The following TMEM67 variants were observed in gnomAD, a reference collection of about 807,000 sequenced individuals.
The protein encoded by TMEM67 is meckelin.
A neutral mutation model predicts 136.6 loss-of-function variants in TMEM67; 124 were observed. That is an observed-to-expected ratio of 0.91 (90% confidence interval 0.78 to 1.05). TMEM67 has a LOEUF of 1.05. Ranked by LOEUF, TMEM67 falls within the 50% of genes least tolerant of loss-of-function variation. The pLI, the probability that TMEM67 is intolerant of heterozygous loss-of-function variation, is 0.00. For synonymous variants in TMEM67, 364 were observed against 390.5 expected, an observed-to-expected ratio of 0.93 and a Z score of 0.80; for missense variants, 1,107 against 1,178.4, an observed-to-expected ratio of 0.94 and a Z score of 0.89.
chr8:93,826,902 T>G, the TMEM67 span, among the ~76,000 whole-genome samples: 1 of 152,228 alleles, frequency 6.6e-6, no homozygotes, highest in African/African-American at 2.4e-5. Flanking sequence ...CAATCTCGGC[T>G]CACCGCAACC....
chr8:93,776,811 C>A (rs986976521), intron 7 of TMEM67, among the ~76,000 whole-genome samples: 1 of 152,064 alleles, frequency 6.6e-6, no homozygotes, highest in South Asian at 2.1e-4. Context: ...GTCTAAAATT[C>A]TCTTTTTTTG....
chr8:93,785,965 G>A (rs1814076786), intron 12 of TMEM67, among the ~76,000 whole-genome samples: 1 of 152,110 alleles, frequency 6.6e-6, no homozygotes, highest in Non-Finnish European at 1.5e-5. Context: ...AGCTACTCTG[G>A]AGGCTGAGGT....
chr8:93,760,094 C>A, intron 3 of TMEM67: 3 of 804,582 alleles, frequency 3.7e-6, no homozygotes, highest in Non-Finnish European at 5.2e-6. Context: ...AACTCTTCTA[C>A]CAGTCTGTAT....
At chr8:93,785,793 C>T (rs1219842385) in intron 12 of TMEM67, 1 of 216,272 alleles carries the variant, frequency 4.6e-6, no homozygotes, top group African/African-American at 2.4e-5. Context: ...ACATTCAAGT[C>T]CAAGGCACGG....
Position 93,765,649 on chromosome 8 carries a change from G to A in TMEM67, c.651+3G>A. ...CAGCTGCACGTTATGGAGAAGTTGT[G>A]AGTATGTTTCAATTTTTTTGTTCTG... On this transcript the variant is annotated splice_donor_region_variant and intron_variant, in intron 6 of 27. Transcript: ENST00000453321. The A allele has an allele frequency of 1.2e-6, 2 of 1,605,570 alleles. No homozygotes were observed. The highest frequency in any genetic ancestry group is 1.1e-5 in the South Asian group (1 of 90,904).
intron 9 of TMEM67, 46 bp downstream of exon 9, chr8:93,781,028 TA>T: frequency 7.9e-7 from 1 of 1,262,656 alleles, no homozygotes; most frequent in Non-Finnish European, 1.2e-6. Context: ...TTTTGATTTA[TA>T]ATTTTAAAAG....
chr8:93,831,686 A>ATG, the TMEM67 span, among the ~76,000 whole-genome samples: 10,975 of 151,048 alleles, frequency 0.073, 521 homozygotes, highest in South Asian at 0.13. Flanking sequence ...GTGTGTGTGC[A>ATG]TGTGTGTGTG....
In TMEM67 at chr8:93,755,214, T is replaced by C. The variant is rs1258673602; in HGVS notation, c.223+77T>C. 5 of 1,333,280 alleles carry C rather than the reference T, an allele frequency of 3.8e-6. No homozygotes were observed. In the Admixed American group the frequency reaches 8.4e-5, roughly 22 times the overall value. 82.6% of individuals were successfully genotyped at this position (1,333,280 alleles called of 1,614,324 possible). The stretch of plus-strand genomic sequence containing the variant: ...GGCCCCTAGTCCCCGTAAATGGAGT[T>C]TCACCATGTTGATCAGGCTAGTCTC... On this transcript the variant is annotated intron_variant, in intron 1 of 27. Coordinates refer to ENST00000453321, the MANE Select transcript of TMEM67 (RefSeq NM_153704.6).
intron 6 of TMEM67, among the ~76,000 whole-genome samples, chr8:93,766,145 A>G (rs1813072261): frequency 6.6e-6 from 1 of 151,908 alleles, no homozygotes; most frequent in Non-Finnish European, 1.5e-5. Context: ...TTTGTTTGAG[A>G]TGGAGTCTCG....
rs1808518208 is a variant in TMEM67 at position 93,808,464 on chromosome 8, T to TAG, written c.2440-375_2440-374insGA. 6.3e-4 allele frequency among the ~76,000 whole-genome samples: 38 copies of TAG among 60,144 alleles called. 1 individual carries two copies. Among genetic ancestry groups the TAG allele is most frequent in the African/African-American group, 1.9e-3 (33 of 17,116 alleles). The allele number at this position is 60,144 out of a possible 152,430, so 39.5% of individuals were successfully genotyped here. ...TATTTATTATATATAAATATATATT[T>TAG]ATCTATTATAGATATTTATCTATAA... On this transcript the variant is annotated intron_variant, in intron 23 of 27. Coordinates refer to ENST00000453321, the MANE Select transcript of TMEM67 (RefSeq NM_153704.6).
At chr8:93,806,850 A>C (rs78472435) in intron 23 of TMEM67, among the ~76,000 whole-genome samples, 2,809 of 152,242 alleles carry the variant, frequency 0.018, 38 homozygotes, top group Non-Finnish European at 0.028. Context: ...CAAAAAGGGA[A>C]TATTAATTGA....
Position 93,780,717 on chromosome 8 carries a change from G to T in TMEM67, c.839G>T (p.Gly280Val). ...CAGTTTATCTTTGAAAATACTGCTG[G>T]ACTGAGCACTGTTCATTCTATTTCA... ...LFQFIFENTA[G>V]LSTVHSISFW... The change falls in exon 8 of 28, where the codon GGA (glycine) becomes GTA (valine). Residue 280 changes from glycine (G) to valine (V), a missense_variant. Gly to Val is a moderately radical substitution (Grantham distance 109). Coordinates refer to ENST00000453321, the MANE Select transcript of TMEM67 (RefSeq NM_153704.6). The T allele has an allele frequency of 1.9e-6, 3 of 1,613,958 alleles. No individual in the cohort carries two copies. The highest frequency in any genetic ancestry group is 1.1e-5 in the South Asian group (1 of 91,076).
the TMEM67 span, among the ~76,000 whole-genome samples, chr8:93,830,903 C>T: frequency 1.3e-5 from 2 of 152,350 alleles, no homozygotes; most frequent in South Asian, 4.1e-4. Context: ...GAAAGTTCTG[C>T]CTTCGCAGAA....
the TMEM67 span, among the ~76,000 whole-genome samples, chr8:93,830,998 A>G: frequency 2.0e-5 from 3 of 152,250 alleles, no homozygotes; most frequent in Non-Finnish European, 4.4e-5. Context: ...GATCACGGAC[A>G]CTAACAGTAA....
intron 26 of TMEM67, among the ~76,000 whole-genome samples, chr8:93,811,043 T>C (rs555775875): frequency 6.6e-6 from 1 of 152,348 alleles, no homozygotes; most frequent in African/African-American, 2.4e-5. Flanking sequence ...ACCCATATGT[T>C]ATTGCATGCC....
intron 16 of TMEM67, chr8:93,794,922 G>C (rs1400088527): frequency 1.1e-5 from 2 of 176,842 alleles, no homozygotes; most frequent in African/African-American, 4.8e-5. Context: ...CGTATGGAGT[G>C]GTTAGTCATT....
At position 93,791,322 on chromosome 8, in the gene TMEM67, A is replaced by T; in HGVS notation, c.1575+3A>T. 6.3e-7 allele frequency: 1 copy of T among 1,585,294 alleles called. No individual in the cohort carries two copies. Among genetic ancestry groups the T allele is most frequent in the Non-Finnish European group, 8.7e-7 (1 of 1,154,754 alleles). ...GAGAAGCACATGTCCAGACAGATGTAAGTTTATTTTAACCTTTTAAAATAT... is the reference window on the plus strand; with the variant it reads ...GAGAAGCACATGTCCAGACAGATGTTAGTTTATTTTAACCTTTTAAAATAT... On this transcript the variant is annotated splice_donor_region_variant and intron_variant, in intron 15 of 27. Coordinates refer to ENST00000453321, the MANE Select transcript of TMEM67 (RefSeq NM_153704.6).
intron 26 of TMEM67, among the ~76,000 whole-genome samples, chr8:93,810,548 C>A (rs1257670780): frequency 6.6e-6 from 1 of 151,978 alleles, no homozygotes; most frequent in Non-Finnish European, 1.5e-5. Flanking sequence ...CCATTGCACT[C>A]CAGCCTGGGC....
intron 21 of TMEM67, 110 bp downstream of exon 21, chr8:93,799,868 AAAG>A (rs1814791710): frequency 2.1e-6 from 2 of 954,914 alleles, no homozygotes; most frequent in Admixed American, 1.9e-5. Flanking sequence ...TCTGTAGCAG[AAAG>A]AAGGTGACAA....
Sources: allele counts gnomAD v4.1 joint callset (sites outside exome capture counted in the v4.1 genomes callset), GRCh38; gene constraint gnomAD v4.1.1; transcripts MANE v1.5; gene names NCBI Gene and HGNC (gene_info 2026-07-23, HGNC 2026-07-21).